Variants in CRTAC1 observed in about 807,000 individuals in gnomAD.
The protein encoded by CRTAC1 is acidic secreted protein in cartilage.
In CRTAC1, 37 loss-of-function variants were observed where a neutral mutation model predicts 67.8. The observed-to-expected ratio is 0.55, with a 90% CI of 0.42 to 0.72. The LOEUF (loss-of-function observed/expected upper bound fraction) is 0.72. CRTAC1 is among the 30% of genes least tolerant of loss of function. The pLI is 0.00. For missense variants in CRTAC1, 780 were observed against 931.6 expected, an observed-to-expected ratio of 0.84 and a Z score of 2.12; for synonymous variants, 348 against 371.0, an observed-to-expected ratio of 0.94 and a Z score of 0.71.
chr10:97,971,502 G>A (rs927391836), intron 2 of CRTAC1, among the ~76,000 whole-genome samples: 10 of 152,228 alleles, frequency 6.6e-5, no homozygotes, highest in Non-Finnish European at 1.5e-4. Context: ...GGGCCGGCGC[G>A]AGGAGAGAAT....
At chr10:97,948,206 C>T (rs1303000271) in intron 2 of CRTAC1, among the ~76,000 whole-genome samples, 1 of 151,316 alleles carries the variant, frequency 6.6e-6, no homozygotes, top group Non-Finnish European at 1.5e-5. Context: ...CAAAAAAGCA[C>T]AGAAATCAGG....
intron 11 of CRTAC1, among the ~76,000 whole-genome samples, chr10:97,887,227 G>GT (rs71007369): frequency 0.022 from 2,834 of 127,896 alleles, 30 homozygotes; most frequent in African/African-American, 0.026. Flanking sequence ...CGGCACTTAG[G>GT]TTTTTTTTTT....
intron 14 of CRTAC1, among the ~76,000 whole-genome samples, chr10:97,874,818 C>T (rs868810994): frequency 4.6e-5 from 7 of 152,098 alleles, no homozygotes; most frequent in Non-Finnish European, 8.8e-5. Flanking sequence ...CCCCTGCCCC[C>T]GCCGCTATTT....
rs71007374 is a variant in CRTAC1, at chr10:98,029,491, AGCGGCGGCGGCGGCG to A, written c.24+943_24+957del. ...ACTGGGTGCACCCACCAGCAGCAGC[AGCGGCGGCGGCGGCG>A]GCGGCGGCGGCGGCGGCGGCGGCAG... is the stretch of plus-strand genomic sequence containing the variant. On this transcript the variant is annotated intron_variant, in intron 1 of 14. Transcript: ENST00000370597. The surrounding 1 kb of genome is among the most constrained non-coding windows in gnomAD (Gnocchi z 4.7). 3.0e-4 allele frequency among the ~76,000 whole-genome samples: 42 copies of A among 140,446 alleles called. No individual in the cohort carries two copies. The highest frequency in any genetic ancestry group is 4.5e-4 in the African/African-American group (16 of 35,370). 92.1% of individuals were successfully genotyped at this position (140,446 alleles called of 152,430 possible).
intron 2 of CRTAC1, among the ~76,000 whole-genome samples, chr10:97,947,128 G>T (rs905411192): frequency 9.9e-5 from 15 of 152,228 alleles, no homozygotes; most frequent in African/African-American, 3.6e-4. Flanking sequence ...GTTGGGGCAA[G>T]GAGCCAATGA....
chr10:97,927,564 C>T (rs970326351), intron 3 of CRTAC1, among the ~76,000 whole-genome samples: 9 of 152,180 alleles, frequency 5.9e-5, no homozygotes, highest in African/African-American at 1.9e-4. Flanking sequence ...GGTGTTAGGG[C>T]GCCTGTGCTG....
intron 6 of CRTAC1, among the ~76,000 whole-genome samples, chr10:97,905,908 C>T (rs1294600941): frequency 2.0e-5 from 3 of 152,082 alleles, no homozygotes; most frequent in Non-Finnish European, 4.4e-5. Context: ...GAGCGATGGG[C>T]TGACCTCCTA....
Position 97,936,184 on chromosome 10 carries a change from T to C in CRTAC1, c.407A>G (p.Asn136Ser). ...GREEIYFLNT[N>S]NAFSGVATYT... is the part of the protein sequence containing the mutation. ...CCAGCCCTTACCCGAGAAGGCATTA[T>C]TGGTGTTGAGGAAGTAGATCTCCTC... The change falls in exon 3 of 15, where the codon AAT becomes AGT. Residue 136 changes from asparagine to serine, a missense_variant. By Grantham distance (46) the Asn-to-Ser change is conservative. Transcript: ENST00000370597. The C allele has an allele frequency of 6.2e-7, 1 of 1,610,916 alleles. No individual in the cohort carries two copies. The highest frequency in any genetic ancestry group is 8.5e-7 in the Non-Finnish European group (1 of 1,177,948).
chr10:97,963,639 C>A (rs1232187975), intron 2 of CRTAC1, among the ~76,000 whole-genome samples: 8 of 152,110 alleles, frequency 5.3e-5, no homozygotes, highest in Non-Finnish European at 8.8e-5. Flanking sequence ...TTACTCACAG[C>A]CTATAAAAAA....
Position 98,022,304 on chromosome 10 carries a change from G to A in CRTAC1, c.24+8145C>T, listed in dbSNP as rs145438538. Among the ~76,000 whole-genome samples, 99 of 151,788 alleles carry A rather than the reference G, an allele frequency of 6.5e-4. 1 individual carries two copies. In the East Asian group the frequency reaches 0.018, roughly 28 times the overall value. ...TGGGAGGCAGAGGTTGGGGTGAGCCGAGATCACGCCATTGCACTCTAGCCT... is the reference window on the plus strand; with the variant it reads ...TGGGAGGCAGAGGTTGGGGTGAGCCAAGATCACGCCATTGCACTCTAGCCT... On this transcript the variant is annotated intron_variant, in intron 1 of 14. Transcript: ENST00000370597.
At chr10:97,980,499 G>A (rs2051875592) in intron 2 of CRTAC1, among the ~76,000 whole-genome samples, 2 of 152,226 alleles carry the variant, frequency 1.3e-5, no homozygotes, top group South Asian at 4.1e-4. Context: ...GTGGCTGTGA[G>A]GAAGTCCTGG....
chr10:97,884,724 T>TAGC (rs10699074), intron 11 of CRTAC1, among the ~76,000 whole-genome samples: 1 of 30,320 alleles, frequency 3.3e-5, no homozygotes, highest in Admixed American at 3.5e-4. Flanking sequence ...CCATGTTGGA[T>TAGC]AGTGCAGCTC....
intron 12 of CRTAC1, among the ~76,000 whole-genome samples, chr10:97,883,808 C>G (rs1302252784): frequency 6.6e-6 from 1 of 152,192 alleles, no homozygotes; most frequent in African/African-American, 2.4e-5. Flanking sequence ...TGAGCCCCAC[C>G]CTAGGGCAAT....
chr10:97,912,543 C>T (rs2050702161), intron 5 of CRTAC1, among the ~76,000 whole-genome samples: 2 of 143,046 alleles, frequency 1.4e-5, no homozygotes, highest in South Asian at 4.6e-4. Context: ...GACCCAAGTA[C>T]AAGTCGGGTG....
intron 2 of CRTAC1, among the ~76,000 whole-genome samples, chr10:97,966,445 A>C (rs1590245780): frequency 6.6e-6 from 1 of 152,116 alleles, no homozygotes; most frequent in Non-Finnish European, 1.5e-5. Flanking sequence ...TTAGTTTAGG[A>C]TAGTCTTAAG....
chr10:97,971,646 T>C (rs540078416), intron 2 of CRTAC1, among the ~76,000 whole-genome samples: 4 of 152,336 alleles, frequency 2.6e-5, no homozygotes, highest in Non-Finnish European at 2.9e-5. Flanking sequence ...TAAAGATGGT[T>C]AAGAAAGGGA....
intron 2 of CRTAC1, among the ~76,000 whole-genome samples, chr10:97,984,937 T>A (rs2051955881): frequency 6.6e-6 from 1 of 152,112 alleles, no homozygotes; most frequent in Admixed American, 6.5e-5. Flanking sequence ...GCAGTGAAAA[T>A]AACTAAATTT....
chr10:97,954,371 G>A (rs929239101), intron 2 of CRTAC1, among the ~76,000 whole-genome samples: 3 of 152,200 alleles, frequency 2.0e-5, no homozygotes, highest in African/African-American at 7.2e-5. Flanking sequence ...AGGCAGACCT[G>A]TTGTCAGAAA....
At chr10:97,945,204 C>A (rs950760767) in intron 2 of CRTAC1, among the ~76,000 whole-genome samples, 3 of 152,102 alleles carry the variant, frequency 2.0e-5, no homozygotes, top group Admixed American at 6.5e-5. Flanking sequence ...CAGGTCTCCC[C>A]AAGGGAGGCC....
Sources: allele counts gnomAD v4.1 joint callset (sites outside exome capture counted in the v4.1 genomes callset), GRCh38; gene constraint gnomAD v4.1.1; non-coding constraint Gnocchi (gnomAD v3.1); transcripts MANE v1.5; gene names NCBI Gene and HGNC (gene_info 2026-07-23, HGNC 2026-07-21).